GPAM: variants seen among roughly 807,000 people sequenced by gnomAD.
The protein encoded by GPAM is glycerol-3-phosphate acyltransferase 1, mitochondrial.
Under a neutral mutation model 105.0 loss-of-function variants are expected in GPAM, and 56 were observed. The ratio of observed to expected loss-of-function variants is 0.53; its 90% confidence interval spans 0.43 to 0.67. GPAM has a LOEUF of 0.67. Among genes scored for constraint, GPAM ranks in the 30% least tolerant of loss-of-function variants. The pLI is 0.00. For synonymous variants in GPAM, 368 were observed against 354.4 expected (o/e 1.04, Z -0.43); for missense variants, 855 against 989.8 (o/e 0.86, Z 1.83).
At chr10:112,174,855 T>C (rs977850360) in intron 6 of GPAM, among the ~76,000 whole-genome samples, 4 of 152,198 alleles carry the variant, frequency 2.6e-5, no homozygotes, top group Non-Finnish European at 4.4e-5. Flanking sequence ...TGAGTACATA[T>C]TATGTGCCAG....
At chr10:112,224,923 A>G in the GPAM span, among the ~76,000 whole-genome samples, 2 of 152,174 alleles carry the variant, frequency 1.3e-5, no homozygotes, top group Admixed American at 1.3e-4. Context: ...TATCCAAACA[A>G]CAATAATCCC....
chr10:112,189,763 G>A (rs1043687140), intron 1 of GPAM, among the ~76,000 whole-genome samples: 2 of 152,066 alleles, frequency 1.3e-5, no homozygotes, highest in East Asian at 1.9e-4. Flanking sequence ...TTCCTTTTCC[G>A]TTTTGTTCCC....
Position 112,159,990 on chromosome 10 carries a change from T to C in GPAM, c.1823A>G (p.Asn608Ser), listed in dbSNP as rs866001521. 2 of 1,613,804 alleles carry C rather than the reference T, an allele frequency of 1.2e-6. No homozygotes were observed. The highest frequency in any genetic ancestry group is 3.3e-4 in the Middle Eastern group (2 of 6,062). ...CACCAGCTGCTCCTGGCTGATCAGG[T>C]TAGGTGGGGTGCTAGTGGGACCCCC... Reference protein sequence around the residue: ...GLGGPTSTPPNLISQEQLVRK... With the variant: ...GLGGPTSTPPSLISQEQLVRK... The change falls in exon 17 of 22, where the codon AAC becomes AGC. Residue 608 changes from asparagine (N) to serine (S), a missense_variant. Physicochemically the swap from Asn to Ser is conservative, Grantham distance 46. Transcript: ENST00000348367.
At chr10:112,171,922 A>G (rs1421799127) in intron 9 of GPAM, among the ~76,000 whole-genome samples, 1 of 152,130 alleles carries the variant, frequency 6.6e-6, no homozygotes, top group African/African-American at 2.4e-5. Context: ...CCTTTTATCT[A>G]TTTGATAAAC....
At chr10:112,194,249 G>A (rs377288525) in intron 1 of GPAM, among the ~76,000 whole-genome samples, 85 of 152,154 alleles carry the variant, frequency 5.6e-4, no homozygotes, top group Non-Finnish European at 4.4e-4. Flanking sequence ...CATGTGTCCC[G>A]GATAACTAAA....
chr10:112,227,580 G>A, the GPAM span, among the ~76,000 whole-genome samples: 1 of 152,188 alleles, frequency 6.6e-6, no homozygotes, highest in African/African-American at 2.4e-5. Flanking sequence ...CCCTCATCAT[G>A]CTGGTTCCCA....
At chr10:112,162,655 T>C (rs1006960425) in intron 14 of GPAM, among the ~76,000 whole-genome samples, 5 of 152,112 alleles carry the variant, frequency 3.3e-5, no homozygotes, top group Admixed American at 1.3e-4. Context: ...GTACTATATG[T>C]ATAGCTATTA....
chr10:112,154,017 T>C, intron 21 of GPAM: 1 of 238,162 alleles, frequency 4.2e-6, no homozygotes, highest in Non-Finnish European at 8.2e-6. Flanking sequence ...GAACTTACAT[T>C]CCCCATGAAT....
intron 21 of GPAM, chr10:112,154,359 A>G (rs958270317): frequency 2.9e-5 from 15 of 512,142 alleles, no homozygotes; most frequent in Non-Finnish European, 4.9e-5. Context: ...ACCTTGAAAC[A>G]TATTGATACC....
Position 112,160,016 on chromosome 10 carries a change from C to G in GPAM, c.1797G>C (p.Leu599=), listed in dbSNP as rs1228959256. 6.2e-7 allele frequency: 1 copy of G among 1,613,178 alleles called. No individual in the cohort carries two copies. Among genetic ancestry groups the G allele is most frequent in the Non-Finnish European group, 8.5e-7 (1 of 1,179,140 alleles). Residue 599 remains leucine (L), a synonymous_variant, in exon 17 of 22, where the codon CTG becomes CTC. Transcript: ENST00000348367. ...TAGGTGGGGTGCTAGTGGGACCCCC[C>G]AGTCCCCTCTTGTTCAGAACTGCAT... is the stretch of plus-strand genomic sequence containing the variant. ...SLYAVLNKRG[L]GGPTSTPPNL...
chr10:112,176,621 T>G (rs1847409907), intron 5 of GPAM, among the ~76,000 whole-genome samples: 1 of 152,188 alleles, frequency 6.6e-6, no homozygotes, highest in Admixed American at 6.5e-5. Context: ...TTCCAAAAAT[T>G]TGGCCCAATA....
chr10:112,166,354 G>T, intron 12 of GPAM, 48 bp downstream of exon 12: 1 of 1,008,032 alleles, frequency 9.9e-7, no homozygotes, highest in Non-Finnish European at 1.6e-6. Flanking sequence ...GGAGCCTCCT[G>T]ACTCCAGGTA....
At chr10:112,155,593 T>C (rs1034116432) in intron 20 of GPAM, 3 of 361,172 alleles carry the variant, frequency 8.3e-6, no homozygotes, top group African/African-American at 6.4e-5. Context: ...TAAATATTTA[T>C]ACAATGGAAC....
upstream of GPAM, among the ~76,000 whole-genome samples, chr10:112,216,234 G>A (rs1296268010): frequency 6.6e-6 from 1 of 152,290 alleles, no homozygotes; most frequent in East Asian, 1.9e-4. Flanking sequence ...CCTCTTATTA[G>A]GTAAATATGC....
Position 112,152,752 on chromosome 10 carries a change from T to A in GPAM, c.*798A>T. 1.1e-6 allele frequency: 1 copy of A among 927,092 alleles called. No homozygotes were observed. Among genetic ancestry groups the A allele is most frequent in the Non-Finnish European group, 1.3e-6 (1 of 776,644 alleles). The allele number at this position is 927,092 out of a possible 1,614,324, so 57.4% of individuals were successfully genotyped here. ...GACATAAAACAGGAAGGGTTCTAAA[T>A]ATATTTGCTGGTCATTTGAAACTCA... On this transcript the variant is annotated 3_prime_UTR_variant, in exon 22 of 22. Coordinates refer to ENST00000348367, the MANE Select transcript of GPAM (RefSeq NM_001244949.2).
chr10:112,200,240 T>TAC, intron 1 of GPAM, among the ~76,000 whole-genome samples: 1 of 129,394 alleles, frequency 7.7e-6, no homozygotes, highest in South Asian at 2.7e-4. Flanking sequence ...TATATATATA[T>TAC]ATATAGAGAG....
intron 17 of GPAM, 109 bp from the exon 18 acceptor site, chr10:112,158,502 C>T: frequency 2.7e-6 from 2 of 729,296 alleles, no homozygotes; most frequent in South Asian, 1.5e-5. Flanking sequence ...TCTGTTACCT[C>T]CATCACCCCA....
At chr10:112,198,930 T>G (rs11195839) in intron 1 of GPAM, among the ~76,000 whole-genome samples, 19,693 of 151,970 alleles carry the variant, frequency 0.13, 1,762 homozygotes, top group African/African-American at 0.24. Context: ...GTTTTGTTTT[T>G]TTTTTTGTTT....
rs193295679 is a variant in GPAM at position 112,191,725 on chromosome 10, C to T, written n.211-8834G>A. ...CCAAGAAGACAAATTCTAAATGGGC[C>T]TTTGTTTTCTCATGGACTCAAGCTG... On this transcript the variant is annotated intron_variant and non_coding_transcript_variant, in intron 1 of 3. Transcript: ENST00000480130. Among the ~76,000 whole-genome samples the T allele has an allele frequency of 2.4e-3, 360 of 152,180 alleles. 4 individuals are homozygous for T. The highest frequency in any genetic ancestry group is 8.5e-3 in the African/African-American group (352 of 41,516).
Sources: gnomAD v4.1 joint callset for allele counts (sites outside exome capture counted in the v4.1 genomes callset) on GRCh38, gnomAD v4.1.1 for gene constraint, MANE v1.5 for transcripts, NCBI Gene and HGNC (gene_info 2026-07-23, HGNC 2026-07-21) for gene names.